The following KCTD6 variants were observed in gnomAD, a reference collection of about 807,000 sequenced individuals.
KCTD6 encodes the protein BTB/POZ domain-containing protein KCTD6.
Under a neutral mutation model 18.7 loss-of-function variants are expected in KCTD6, and 6 were observed. That is an observed-to-expected ratio of 0.32 (90% confidence interval 0.18 to 0.63). The LOEUF (loss-of-function observed/expected upper bound fraction) is 0.63, where lower values mean the gene tolerates loss of function less well. Among genes scored for constraint, KCTD6 ranks in the 30% least tolerant of loss-of-function variants. The pLI is 0.79. For missense variants in KCTD6, 165 were observed against 300.2 expected, an observed-to-expected ratio of 0.55 and a Z score of 3.33; for synonymous variants, 86 against 108.5, an observed-to-expected ratio of 0.79 and a Z score of 1.29.
Position 58,502,198 on chromosome 3 carries a change from G to A in KCTD6, c.*566G>A, listed in dbSNP as rs1260049116. ...TAAATCAAGGAACCAAATATCTGTAGCCATGGAAATGTCTGACTAGAAATA... is the reference window on the plus strand; with the variant it reads ...TAAATCAAGGAACCAAATATCTGTAACCATGGAAATGTCTGACTAGAAATA... On this transcript the variant is annotated 3_prime_UTR_variant, in exon 3 of 3. Coordinates refer to ENST00000404589, the MANE Select transcript of KCTD6 (RefSeq NM_001128214.2). 6.6e-6 allele frequency: 1 copy of A among 152,424 alleles called. No individual in the cohort carries two copies. The highest frequency in any genetic ancestry group is 2.4e-5 in the African/African-American group (1 of 41,376). The allele number at this position is 152,424 out of a possible 1,614,324, so 9.4% of individuals were successfully genotyped here.
chr3:58,496,503 G>A lies in KCTD6; in HGVS notation c.-43-2210G>A, dbSNP rs1460789017. 6.6e-6 allele frequency among the ~76,000 whole-genome samples: 1 copy of A among 152,204 alleles called. No homozygotes were observed. The highest frequency in any genetic ancestry group is 1.5e-5 in the Non-Finnish European group (1 of 68,034). Reference sequence around the variant, plus strand: ...CAGGAATGTTGTAGGGGGAAAAAAAGTCTTTCATGCCCCTGTCTATTAAAT... The same window carrying A: ...CAGGAATGTTGTAGGGGGAAAAAAAATCTTTCATGCCCCTGTCTATTAAAT... On this transcript the variant is annotated intron_variant, in intron 1 of 2. Transcript: ENST00000404589. This position sits in a 1 kb window ranked among gnomAD's most constrained non-coding sequence, Gnocchi z 5.1.
At position 58,499,047 on chromosome 3, in the gene KCTD6, G is replaced by A. The variant is rs1044507597; in HGVS notation, c.27+265G>A. Among the ~76,000 whole-genome samples, 4 of 151,902 alleles carry A rather than the reference G, an allele frequency of 2.6e-5. No individual in the cohort carries two copies. In the East Asian group the frequency reaches 7.8e-4, roughly 30 times the overall value. On this transcript the variant is annotated intron_variant, in intron 2 of 2. Transcript: ENST00000404589. ...TGCAGTGGCGCGATCTTGGCTCACT[G>A]CAACCTCCACCTCCTAGGTTCAAGA...
chr3:58,495,569 A>G (rs73087708), intron 1 of KCTD6, among the ~76,000 whole-genome samples: 319 of 152,294 alleles, frequency 2.1e-3, no homozygotes, highest in Non-Finnish European at 3.4e-3. Flanking sequence ...GATATTTAGA[A>G]GCAGGTAGAG....
intron 2 of KCTD6, chr3:58,500,523 T>C (rs1413077983): frequency 6.5e-6 from 1 of 154,042 alleles, no homozygotes; most frequent in East Asian, 1.9e-4. Flanking sequence ...TATTATCAGA[T>C]CATTTTAATT....
intron 2 of KCTD6, among the ~76,000 whole-genome samples, chr3:58,499,427 C>G (rs1376758332): frequency 1.3e-5 from 2 of 152,044 alleles, no homozygotes. Context: ...AGTGCCTCTT[C>G]TCCCCACTTG....
In KCTD6 at chr3:58,498,508, G is replaced by A. The variant is rs2063189979; in HGVS notation, c.-43-205G>A. ...TCTTCAGTCTCTTAGTTCCAGATGG[G>A]TTCTCTATGGTAAGAATACAGGACA... On this transcript the variant is annotated intron_variant, in intron 1 of 2. Transcript: ENST00000404589. This position sits in a 1 kb window ranked among gnomAD's most constrained non-coding sequence, Gnocchi z 4.6. 1 of 489,416 alleles carries A rather than the reference G, an allele frequency of 2.0e-6. No homozygotes were observed. Among genetic ancestry groups the A allele is most frequent in the African/African-American group, 2.0e-5 (1 of 49,358 alleles). 30.3% of individuals were successfully genotyped at this position (489,416 alleles called of 1,614,324 possible).
intron 2 of KCTD6, among the ~76,000 whole-genome samples, chr3:58,499,932 T>C (rs1233913887): frequency 6.6e-6 from 1 of 152,186 alleles, no homozygotes; most frequent in Non-Finnish European, 1.5e-5. Context: ...GCAGCATTAA[T>C]GTTACAAAAG....
At chr3:58,495,091 A>G (rs534097494) in intron 1 of KCTD6, among the ~76,000 whole-genome samples, 2 of 152,296 alleles carry the variant, frequency 1.3e-5, no homozygotes, top group Middle Eastern at 3.4e-3. Flanking sequence ...TTTCAAAACC[A>G]TCTTTAGTTT....
At chr3:58,495,677 C>A (rs1472689343) in intron 1 of KCTD6, among the ~76,000 whole-genome samples, 1 of 152,154 alleles carries the variant, frequency 6.6e-6, no homozygotes, top group Non-Finnish European at 1.5e-5. Flanking sequence ...TTGGAAGTGA[C>A]TAATAGTAAC....
intron 2 of KCTD6, among the ~76,000 whole-genome samples, chr3:58,499,805 G>T (rs577412840): frequency 1.1e-4 from 17 of 152,152 alleles, no homozygotes; most frequent in African/African-American, 4.1e-4. Context: ...CTCCCAAAGT[G>T]CTGGGATTAC....
chr3:58,497,137 A>G lies in KCTD6; in HGVS notation c.-43-1576A>G, dbSNP rs905286960. 1.3e-5 allele frequency among the ~76,000 whole-genome samples: 2 copies of G among 152,250 alleles called. No homozygotes were observed. Among genetic ancestry groups the G allele is most frequent in the African/African-American group, 2.4e-5 (1 of 41,466 alleles). On this transcript the variant is annotated intron_variant, in intron 1 of 2. Transcript: ENST00000404589. The surrounding 1 kb of genome is among the most constrained non-coding windows in gnomAD (Gnocchi z 4.2). ...CCCCATAGCATGTGGAGGCCTGTCTATATCCAACTGCTGAGTGTAAAGAAT... is the reference window on the plus strand; with the variant it reads ...CCCCATAGCATGTGGAGGCCTGTCTGTATCCAACTGCTGAGTGTAAAGAAT...
intron 2 of KCTD6, 29 bp from the exon 3 acceptor site, chr3:58,500,917 A>T (rs1168131785): frequency 1.4e-6 from 2 of 1,419,306 alleles, no homozygotes; most frequent in Non-Finnish European, 1.9e-6. Flanking sequence ...AAAATTTCAG[A>T]TGACTGATCA....
Position 58,492,231 on chromosome 3 carries a change from C to T in KCTD6, c.-44+62C>T, listed in dbSNP as rs577485003. The T allele has an allele frequency of 0.011, 1,649 of 149,556 alleles. 22 individuals carry two copies. Among genetic ancestry groups the T allele is most frequent in the Non-Finnish European group, 0.016 (1,090 of 66,938 alleles). 9.3% of individuals were successfully genotyped at this position (149,556 alleles called of 1,614,324 possible). On this transcript the variant is annotated intron_variant, in intron 1 of 2. Coordinates refer to ENST00000404589, the MANE Select transcript of KCTD6 (RefSeq NM_001128214.2). This position sits in a 1 kb window ranked among gnomAD's most constrained non-coding sequence, Gnocchi z 6.1. Reference sequence around the variant, plus strand: ...TTTGGGAGGGCCGGGTTTCAGGAGACGTCTGCGCCGAGCGGCCAGGGGAGC... The same window carrying T: ...TTTGGGAGGGCCGGGTTTCAGGAGATGTCTGCGCCGAGCGGCCAGGGGAGC...
rs975271468 is a variant in KCTD6, at chr3:58,498,870, T to A, written c.27+88T>A. 4 of 1,107,376 alleles carry A rather than the reference T, an allele frequency of 3.6e-6. No homozygotes were observed. The highest frequency in any genetic ancestry group is 5.3e-6 in the Non-Finnish European group (4 of 754,328). 68.6% of individuals were successfully genotyped at this position (1,107,376 alleles called of 1,614,324 possible). ...CTTATGTATTTTTAGGTATATCTTA[T>A]AAGAAAAGAAAATTGTGAATTTGTG... On this transcript the variant is annotated intron_variant, in intron 2 of 2. Coordinates refer to ENST00000404589, the MANE Select transcript of KCTD6 (RefSeq NM_001128214.2). The surrounding 1 kb of genome is among the most constrained non-coding windows in gnomAD (Gnocchi z 4.6).
intron 2 of KCTD6, chr3:58,500,509 T>C (rs1318984267): frequency 2.0e-5 from 3 of 152,976 alleles, no homozygotes; most frequent in African/African-American, 7.2e-5. Flanking sequence ...AAAGTAAATG[T>C]CTATATTATC....
chr3:58,494,961 G>T (rs537930415), intron 1 of KCTD6, among the ~76,000 whole-genome samples: 1 of 152,270 alleles, frequency 6.6e-6, no homozygotes, highest in Non-Finnish European at 1.5e-5. Flanking sequence ...AGTGGGCAGT[G>T]TTGTTTTCAC....
rs1176069642 is a variant in KCTD6 at position 58,501,275 on chromosome 3, A to G, written c.357A>G (p.Glu119=). ...TGTATCCCATGGATACTTTTGAAGA[A>G]GTTGTGGAGCTGTCTAGTACTCGGA... ...KPLYPMDTFE[E]VVELSSTRKL... is the part of the protein sequence containing the mutation. The change falls in exon 3 of 3, where the codon GAA becomes GAG. Residue 119 remains glutamate, a synonymous_variant. Transcript: ENST00000404589. The surrounding 1 kb of genome is among the most constrained non-coding windows in gnomAD (Gnocchi z 9.7). The G allele has an allele frequency of 5.0e-6, 8 of 1,614,152 alleles. No individual in the cohort carries two copies. The South Asian group carries it at 8.8e-5, about 18-fold the overall frequency.
rs1023718269 is a variant in KCTD6, at chr3:58,496,394, C to G, written c.-43-2319C>G. Among the ~76,000 whole-genome samples the G allele has an allele frequency of 6.6e-6, 1 of 152,172 alleles. No homozygotes were observed. The highest frequency in any genetic ancestry group is 1.5e-5 in the Non-Finnish European group (1 of 68,030). On this transcript the variant is annotated intron_variant, in intron 1 of 2. Transcript: ENST00000404589. The surrounding 1 kb of genome is among the most constrained non-coding windows in gnomAD (Gnocchi z 5.1). ...CTAGTTACTTCCCAGCTGTGGCGCC[C>G]TCAGCTAGTCACTTAATCTGCCTTG...
rs2107972869 is a variant in KCTD6 at position 58,493,664 on chromosome 3, C to T, written c.-44+1495C>T. ...GATTTGAAGCAAATTAAGAGGCTGC[C>T]TCCTCCATATTTGCCGTCTCCAGGC... On this transcript the variant is annotated intron_variant, in intron 1 of 2. Coordinates refer to ENST00000404589, the MANE Select transcript of KCTD6 (RefSeq NM_001128214.2). This position sits in a 1 kb window ranked among gnomAD's most constrained non-coding sequence, Gnocchi z 4.5. 6.6e-6 allele frequency among the ~76,000 whole-genome samples: 1 copy of T among 152,302 alleles called. No homozygotes were observed. The highest frequency in any genetic ancestry group is 1.9e-4 in the East Asian group (1 of 5,182).
Sources: gnomAD v4.1 joint callset for allele counts (sites outside exome capture counted in the v4.1 genomes callset) on GRCh38, gnomAD v4.1.1 for gene constraint, Gnocchi (gnomAD v3.1) non-coding constraint, MANE v1.5 for transcripts, NCBI Gene and HGNC (gene_info 2026-07-23, HGNC 2026-07-21) for gene names.